RALYL: variants seen among roughly 807,000 people sequenced by gnomAD.
The protein encoded by RALYL is RALY RNA binding protein like.
Under a neutral mutation model 35.1 loss-of-function variants are expected in RALYL, and 29 were observed. The ratio of observed to expected loss-of-function variants is 0.83; its 90% CI spans 0.61 to 1.13. RALYL has a LOEUF of 1.13. RALYL is among the 50% of genes most tolerant of loss of function. The pLI is 0.00. For synonymous variants in RALYL, 120 were observed against 127.6 expected (o/e 0.94, Z 0.40); for missense variants, 359 against 360.4 (o/e 1.00, Z 0.03).
intron 1 of RALYL, chr8:84,184,953 A>T (rs1670555319): frequency 6.2e-7 from 1 of 1,612,936 alleles, no homozygotes; most frequent in Non-Finnish European, 8.5e-7. Context: ...AGCCTTGAGG[A>T]TGGCACCGGC....
At chr8:84,677,953 A>C (rs1355215643) in intron 2 of RALYL, among the ~76,000 whole-genome samples, 1 of 152,176 alleles carries the variant, frequency 6.6e-6, no homozygotes, top group Non-Finnish European at 1.5e-5. Flanking sequence ...CATTTATAGG[A>C]GGTTGAACTT....
At position 84,462,136 on chromosome 8, in the gene RALYL, T is replaced by A. The variant is rs140907391; in HGVS notation, c.-23-67163T>A. 8.0e-4 allele frequency among the ~76,000 whole-genome samples: 122 copies of A among 151,776 alleles called. 1 individual carries two copies. In the East Asian group the frequency reaches 0.018, roughly 23 times the overall value. On this transcript the variant is annotated intron_variant, in intron 1 of 8. Coordinates refer to ENST00000521268, the MANE Select transcript of RALYL (RefSeq NM_173848.7). The stretch of plus-strand genomic sequence containing the variant: ...CAGTTTTTTTTTTATTTTTATTTTT[T>A]TTTATTTTAGCCATTCTAAGGTGTG...
chr8:84,868,341 T>A (rs1839560363), intron 6 of RALYL, among the ~76,000 whole-genome samples: 1 of 152,102 alleles, frequency 6.6e-6, no homozygotes, highest in Non-Finnish European at 1.5e-5. Context: ...TACAGGTGCA[T>A]ACCACCATGC....
intron 2 of RALYL, among the ~76,000 whole-genome samples, chr8:84,539,395 A>G (rs566744749): frequency 4.6e-5 from 7 of 152,118 alleles, no homozygotes; most frequent in Non-Finnish European, 1.0e-4. Context: ...TGAATTTAGA[A>G]AACTGGAGAA....
chr8:84,832,646 G>A (rs1221968069), intron 4 of RALYL, among the ~76,000 whole-genome samples: 1 of 152,002 alleles, frequency 6.6e-6, no homozygotes, highest in East Asian at 1.9e-4. Flanking sequence ...TCTGTAGGTG[G>A]ATATCTAAAT....
intron 2 of RALYL, among the ~76,000 whole-genome samples, chr8:84,743,708 G>A (rs1453051069): frequency 2.6e-5 from 4 of 151,954 alleles, no homozygotes; most frequent in Non-Finnish European, 4.4e-5. Flanking sequence ...AAATTAATAT[G>A]TACTTTTTAG....
intron 3 of RALYL, among the ~76,000 whole-genome samples, chr8:84,790,848 T>C (rs1820603771): frequency 6.6e-6 from 1 of 152,222 alleles, no homozygotes; most frequent in Admixed American, 6.5e-5. Flanking sequence ...GAACATGGTT[T>C]GAACAGTTGA....
rs1830071592 is a variant in RALYL at position 84,827,996 on chromosome 8, TAA to T, written c.366-21983_366-21982del. On this transcript the variant is annotated intron_variant, in intron 4 of 8. Transcript: ENST00000521268. Reference sequence around the variant, plus strand: ...TTACTTTGAATCTCCTCACATTTTATAAGTTAGTTTTCATTTATTCTGCTTCT... The same window carrying T: ...TTACTTTGAATCTCCTCACATTTTATGTTAGTTTTCATTTATTCTGCTTCT... Among the ~76,000 whole-genome samples the T allele has an allele frequency of 2.6e-5, 4 of 152,236 alleles. No individual in the cohort carries two copies. The South Asian group carries it at 8.3e-4, about 32-fold the overall frequency.
chr8:84,326,585 A>G (rs1586308515), intron 1 of RALYL, among the ~76,000 whole-genome samples: 1 of 151,884 alleles, frequency 6.6e-6, no homozygotes, highest in Non-Finnish European at 1.5e-5. Context: ...AATATTTTTA[A>G]ATAACATTAT....
chr8:84,773,591 A>C (rs1404195111), intron 2 of RALYL, among the ~76,000 whole-genome samples: 1 of 145,364 alleles, frequency 6.9e-6, no homozygotes, highest in African/African-American at 2.5e-5. Flanking sequence ...GTTTTGTCAC[A>C]TACTTAAACC....
chr8:84,716,347 T>C (rs1282795823), intron 2 of RALYL, among the ~76,000 whole-genome samples: 1 of 152,200 alleles, frequency 6.6e-6, no homozygotes, highest in African/African-American at 2.4e-5. Flanking sequence ...ATTTAATTTA[T>C]AGTCTCAGTA....
At chr8:84,473,362 TTAATA>T (rs1215223379) in intron 1 of RALYL, among the ~76,000 whole-genome samples, 3 of 151,520 alleles carry the variant, frequency 2.0e-5, no homozygotes, top group East Asian at 1.9e-4. Flanking sequence ...AATATTTAAT[TTAATA>T]TTAGATTTAA....
chr8:84,254,161 T>A (rs1297685803), intron 1 of RALYL, among the ~76,000 whole-genome samples: 2 of 152,142 alleles, frequency 1.3e-5, no homozygotes, highest in African/African-American at 2.4e-5. Context: ...CCATGTTCCT[T>A]TTACCTCATT....
chr8:84,702,539 T>TCTCA (rs143400097), intron 2 of RALYL, among the ~76,000 whole-genome samples: 83 of 136,534 alleles, frequency 6.1e-4, no homozygotes, highest in African/African-American at 1.8e-3. Context: ...TCTCTCTCTC[T>TCTCA]CACACACACA....
chr8:84,625,062 A>G (rs1374276724), intron 2 of RALYL, among the ~76,000 whole-genome samples: 1 of 152,224 alleles, frequency 6.6e-6, no homozygotes, highest in African/African-American at 2.4e-5. Context: ...ATTATGTCAT[A>G]GTGTCCTTTT....
At chr8:84,533,014 CAT>C (rs1227498951) in intron 2 of RALYL, among the ~76,000 whole-genome samples, 1 of 152,084 alleles carries the variant, frequency 6.6e-6, no homozygotes, top group African/African-American at 2.4e-5. Context: ...CATTTTGACT[CAT>C]ATTACTTAGG....
chr8:84,397,479 A>T (rs2042458846), intron 1 of RALYL, among the ~76,000 whole-genome samples: 1 of 152,178 alleles, frequency 6.6e-6, no homozygotes, highest in Admixed American at 6.5e-5. Flanking sequence ...CTATTAGAGC[A>T]GAGTGTGAAA....
intron 2 of RALYL, among the ~76,000 whole-genome samples, chr8:84,634,598 C>G (rs963491021): frequency 6.6e-6 from 1 of 151,714 alleles, no homozygotes; most frequent in African/African-American, 2.4e-5. Flanking sequence ...AAGGGCTTAG[C>G]AGCCCTTATT....
At chr8:84,910,457 T>A (rs1043294666) in intron 8 of RALYL, among the ~76,000 whole-genome samples, 9 of 152,076 alleles carry the variant, frequency 5.9e-5, no homozygotes, top group African/African-American at 2.2e-4. Flanking sequence ...TCATAATTAA[T>A]TACGCTGATA....
Sources: gnomAD v4.1 joint callset for allele counts (sites outside exome capture counted in the v4.1 genomes callset) on GRCh38, gnomAD v4.1.1 for gene constraint, MANE v1.5 for transcripts, NCBI Gene and HGNC (gene_info 2026-07-23, HGNC 2026-07-21) for gene names.